The following PLAA variants were observed in gnomAD, a reference collection of about 807,000 sequenced individuals.
PLAA encodes phospholipase A-2-activating protein.
PLAA carries 48 observed loss-of-function variants against 84.1 expected under a neutral mutation model. The observed-to-expected ratio is 0.57, with a 90% CI of 0.45 to 0.73. PLAA has a LOEUF of 0.73. Ranked by LOEUF, PLAA falls within the 30% of genes least tolerant of loss-of-function variation. PLAA has a pLI of 0.00. For synonymous variants in PLAA, 392 were observed against 336.6 expected (o/e 1.16, Z -1.80); for missense variants, 903 against 954.7 (o/e 0.95, Z 0.71).
chr9:26,930,143 C>T (rs1439814408), intron 2 of PLAA, among the ~76,000 whole-genome samples: 9 of 147,492 alleles, frequency 6.1e-5, no homozygotes, highest in East Asian at 4.0e-4. Context: ...CTCGCTCTGT[C>T]GCCCAGGCTG....
chr9:26,931,611 T>C (rs1019440775), intron 2 of PLAA, among the ~76,000 whole-genome samples: 8 of 151,950 alleles, frequency 5.3e-5, no homozygotes, highest in African/African-American at 1.9e-4. Flanking sequence ...ATTTAACAGC[T>C]TACAAGAAAT....
At chr9:26,914,618 A>G (rs1824494524) in intron 10 of PLAA, among the ~76,000 whole-genome samples, 1 of 152,180 alleles carries the variant, frequency 6.6e-6, no homozygotes, top group Non-Finnish European at 1.5e-5. Flanking sequence ...ATAATGAGAA[A>G]CACAGAATAA....
At chr9:26,929,286 T>G (rs1006090407) in intron 2 of PLAA, among the ~76,000 whole-genome samples, 1 of 152,022 alleles carries the variant, frequency 6.6e-6, no homozygotes, top group East Asian at 1.9e-4. Flanking sequence ...GCTCAGGAGT[T>G]TGAGACCAGC....
At chr9:26,906,180 T>C in intron 13 of PLAA, 104 bp from the exon 14 acceptor site, 1 of 650,122 alleles carries the variant, frequency 1.5e-6, no homozygotes, top group South Asian at 4.4e-5. Context: ...CTAACCATTT[T>C]AGAAAATGTG....
At chr9:26,940,961 T>C (rs530766569) in intron 1 of PLAA, among the ~76,000 whole-genome samples, 7 of 152,270 alleles carry the variant, frequency 4.6e-5, no homozygotes, top group Admixed American at 1.3e-4. Context: ...CCACTAAATC[T>C]ACCCACTATG....
In PLAA at chr9:26,942,870, C is replaced by T. The variant is rs147473631; in HGVS notation, c.149+4027G>A. Among the ~76,000 whole-genome samples, 998 of 117,544 alleles carry T rather than the reference C, an allele frequency of 8.5e-3. 11 individuals carry two copies. The highest frequency in any genetic ancestry group is 0.032 in the African/African-American group (950 of 29,928). The allele number at this position is 117,544 out of a possible 152,430, so 77.1% of individuals were successfully genotyped here. On this transcript the variant is annotated intron_variant, in intron 1 of 13. Transcript: ENST00000397292. ...CTCCGGCCTGGGCGACAGAGCGAGA[C>T]TCGTCTCAAAAAAAAAAAAAAAAAA... is the stretch of plus-strand genomic sequence containing the variant.
Position 26,942,244 on chromosome 9 carries a change from A to C in PLAA, c.149+4653T>G, listed in dbSNP as rs542905334. Among the ~76,000 whole-genome samples, 10 of 152,360 alleles carry C rather than the reference A, an allele frequency of 6.6e-5. No homozygotes were observed. In the South Asian group the frequency reaches 1.9e-3, roughly 28 times the overall value. ...ACAAGGAAGAAAACCAACCAAGAGA[A>C]AGCTAAAGGATACTGACAATAAAAA... On this transcript the variant is annotated intron_variant, in intron 1 of 13. Coordinates refer to ENST00000397292, the MANE Select transcript of PLAA (RefSeq NM_001031689.3).
intron 1 of PLAA, among the ~76,000 whole-genome samples, chr9:26,939,115 G>A (rs1376629311): frequency 1.3e-5 from 2 of 152,160 alleles, no homozygotes; most frequent in South Asian, 2.1e-4. Context: ...TAGGCCGGGC[G>A]CCGTGGCTCA....
chr9:26,910,531 G>C (rs551063187), intron 11 of PLAA, 92 bp from the exon 12 acceptor site: 139 of 884,780 alleles, frequency 1.6e-4, no homozygotes, highest in African/African-American at 9.8e-4. Flanking sequence ...CAATTATTGA[G>C]ATATGCAACT....
At chr9:26,925,694 G>T (rs1406394409) in intron 6 of PLAA, 131 bp downstream of exon 6, 3 of 690,552 alleles carry the variant, frequency 4.3e-6, no homozygotes, top group Non-Finnish European at 7.5e-6. Context: ...CTACTGTTTT[G>T]TTTAGTAATT....
At chr9:26,929,525 T>C (rs1413249785) in intron 2 of PLAA, among the ~76,000 whole-genome samples, 2 of 152,108 alleles carry the variant, frequency 1.3e-5, no homozygotes, top group Admixed American at 6.5e-5. Flanking sequence ...AAGAGTATCA[T>C]TGGCGGTCGA....
At chr9:26,943,932 C>A (rs979461633) in intron 1 of PLAA, among the ~76,000 whole-genome samples, 4 of 152,062 alleles carry the variant, frequency 2.6e-5, no homozygotes, top group Admixed American at 2.0e-4. Context: ...CCAGCCTGGG[C>A]AACAAAGCAA....
chr9:26,931,056 C>A (rs1278048141), intron 2 of PLAA, among the ~76,000 whole-genome samples: 2 of 150,964 alleles, frequency 1.3e-5, no homozygotes, highest in African/African-American at 4.9e-5. Context: ...CTAGAACATT[C>A]TGTAATAAAG....
intron 2 of PLAA, among the ~76,000 whole-genome samples, chr9:26,934,475 C>CTTTTTTTTTTTTTTTTTTTTTTT (rs67138338): frequency 1.1e-5 from 1 of 93,344 alleles, no homozygotes; most frequent in South Asian, 4.5e-4. Context: ...GAACACTTTA[C>CTTTTTTTTTTTTTTTTTTTTTTT]TTTTTTTTTT....
intron 10 of PLAA, 68 bp from the exon 11 acceptor site, chr9:26,914,015 G>C: frequency 9.1e-7 from 1 of 1,104,220 alleles, no homozygotes; most frequent in Non-Finnish European, 1.4e-6. Flanking sequence ...CTGCTCCTTC[G>C]CTTATTTCCA....
chr9:26,938,193 T>C (rs1298413970), intron 1 of PLAA, among the ~76,000 whole-genome samples: 1 of 152,072 alleles, frequency 6.6e-6, no homozygotes, highest in Non-Finnish European at 1.5e-5. Flanking sequence ...ATAATATAAT[T>C]AGTAGATTTC....
intron 1 of PLAA, among the ~76,000 whole-genome samples, chr9:26,938,552 C>CT (rs1825430563): frequency 9.6e-6 from 1 of 104,618 alleles, no homozygotes; most frequent in Admixed American, 1.1e-4. Context: ...GACACCATTT[C>CT]TTAAAAAAAA....
chr9:26,934,716 T>C (rs1825303861), intron 2 of PLAA, among the ~76,000 whole-genome samples: 1 of 152,044 alleles, frequency 6.6e-6, no homozygotes, highest in Non-Finnish European at 1.5e-5. Context: ...TGGCCTCAAG[T>C]GATCTGCCTG....
chr9:26,920,427 T>C, intron 7 of PLAA, 43 bp from the exon 8 acceptor site: 2 of 1,331,856 alleles, frequency 1.5e-6, no homozygotes, highest in Non-Finnish European at 2.1e-6. Context: ...AATGGCAATG[T>C]AAAATTGAAA....
Sources: allele counts gnomAD v4.1 joint callset (sites outside exome capture counted in the v4.1 genomes callset), GRCh38; gene constraint gnomAD v4.1.1; transcripts MANE v1.5; gene names NCBI Gene and HGNC (gene_info 2026-07-23, HGNC 2026-07-21).